The following ALLC variants were observed in gnomAD, a reference collection of about 807,000 sequenced individuals.
The protein encoded by ALLC is allantoicase.
In ALLC, 40 loss-of-function variants were observed where a neutral mutation model predicts 45.0. The observed-to-expected ratio is 0.89, with a 90% confidence interval of 0.69 to 1.16. The LOEUF (loss-of-function observed/expected upper bound fraction) is 1.16, where lower values mean the gene tolerates loss of function less well. Ranked by LOEUF, ALLC falls within the 50% of genes most tolerant of loss-of-function variation. The pLI, the probability that ALLC is intolerant of heterozygous loss-of-function variation, is 0.00. For synonymous variants in ALLC, 176 were observed against 178.1 expected, an observed-to-expected ratio of 0.99 and a Z score of 0.09; for missense variants, 488 against 493.1, an observed-to-expected ratio of 0.99 and a Z score of 0.10.
chr2:3,698,974 A>G (rs1440293252), intron 10 of ALLC, among the ~76,000 whole-genome samples: 1 of 152,204 alleles, frequency 6.6e-6, no homozygotes. Flanking sequence ...AATTATTTCA[A>G]GAAGTCTTGG....
the ALLC span, among the ~76,000 whole-genome samples, chr2:3,652,373 A>G: frequency 6.6e-6 from 1 of 152,260 alleles, no homozygotes; most frequent in Non-Finnish European, 1.5e-5. Flanking sequence ...GCACAAATCC[A>G]GAGCCACTAT....
chr2:3,651,679 T>C, the ALLC span, among the ~76,000 whole-genome samples: 1 of 151,900 alleles, frequency 6.6e-6, no homozygotes, highest in Non-Finnish European at 1.5e-5. Flanking sequence ...AGACGAACTC[T>C]GGATGGAGGC....
At position 3,678,782 on chromosome 2, in the gene ALLC, C is replaced by A. The variant is rs111778437; in HGVS notation, c.172+227C>A. 1.3e-5 allele frequency among the ~76,000 whole-genome samples: 2 copies of A among 152,250 alleles called. 1 individual carries two copies. Among genetic ancestry groups the A allele is most frequent in the Non-Finnish European group, 2.9e-5 (2 of 68,024 alleles). On this transcript the variant is annotated intron_variant, in intron 4 of 11. Coordinates refer to ENST00000252505, the MANE Select transcript of ALLC (RefSeq NM_018436.4). ...GCACAAAGGGTGAGAAGCACGTTGT[C>A]GGGAAAATGAAAACCCTGGTGAGGT...
At chr2:3,673,288 A>G (rs1270186892) in intron 2 of ALLC, among the ~76,000 whole-genome samples, 1 of 152,198 alleles carries the variant, frequency 6.6e-6, no homozygotes, top group Non-Finnish European at 1.5e-5. Context: ...TGCCCTGTGA[A>G]GCCTTCTGCT....
chr2:3,656,456 C>T (rs1287825926), upstream of ALLC, among the ~76,000 whole-genome samples: 2 of 152,224 alleles, frequency 1.3e-5, no homozygotes, highest in Non-Finnish European at 2.9e-5. Context: ...GTCGCCTCTG[C>T]CGCATGTGGC....
intron 1 of ALLC, among the ~76,000 whole-genome samples, chr2:3,661,416 G>A (rs866593617): frequency 6.6e-6 from 1 of 152,200 alleles, no homozygotes; most frequent in African/African-American, 2.4e-5. Context: ...GGCCTGTGGG[G>A]GCTGCTGCCT....
At chr2:3,651,235 G>A in the ALLC span, among the ~76,000 whole-genome samples, 1 of 150,734 alleles carries the variant, frequency 6.6e-6, no homozygotes, top group Non-Finnish European at 1.5e-5. Flanking sequence ...CCACACAGGC[G>A]CGGGGAGGTT....
chr2:3,702,450 G>C lies in ALLC; in HGVS notation c.1063G>C (p.Asp355His). The change falls in exon 12 of 12, where the codon GAC becomes CAC. Residue 355 changes from aspartate (D) to histidine (H), a missense_variant. By Grantham distance (81) the Asp-to-His change is moderately conservative. Coordinates refer to ENST00000252505, the MANE Select transcript of ALLC (RefSeq NM_018436.4). ...ITHARLTIVPDGGVSRLRLRG... is the reference protein window; with the variant it reads ...ITHARLTIVPHGGVSRLRLRG... ...TCACGCCAGGCTCACCATCGTCCCC[G>C]ACGGGGGAGTGAGCCGCCTTCGGCT... 6.2e-7 allele frequency: 1 copy of C among 1,612,780 alleles called. No homozygotes were observed. Among genetic ancestry groups the C allele is most frequent in the Non-Finnish European group, 8.5e-7 (1 of 1,179,732 alleles).
At chr2:3,648,773 C>T in the ALLC span, among the ~76,000 whole-genome samples, 5 of 152,158 alleles carry the variant, frequency 3.3e-5, no homozygotes, top group Non-Finnish European at 5.9e-5. Flanking sequence ...CTTCCACCAG[C>T]GCATCACACG....
intron 3 of ALLC, among the ~76,000 whole-genome samples, chr2:3,675,445 A>G (rs547062872): frequency 6.6e-6 from 1 of 151,882 alleles, no homozygotes; most frequent in East Asian, 1.9e-4. Context: ...AGATCCATGT[A>G]TATTTTATGA....
intron 2 of ALLC, 103 bp downstream of exon 2, chr2:3,671,293 C>CCAACACTTCAGCCTGAT: frequency 7.2e-7 from 1 of 1,384,108 alleles, no homozygotes; most frequent in Non-Finnish European, 1.0e-6. Flanking sequence ...AAGAATCAGG[C>CCAACACTTCAGCCTGAT]TGAAGTGTTG....
chr2:3,666,811 C>T (rs1432652865), intron 1 of ALLC, among the ~76,000 whole-genome samples: 2 of 152,146 alleles, frequency 1.3e-5, no homozygotes, highest in African/African-American at 4.8e-5. Context: ...GTGAGCTCTG[C>T]GTCGTAATCT....
At chr2:3,656,998 G>C (rs902759831), upstream of ALLC, among the ~76,000 whole-genome samples, 4 of 152,224 alleles carry the variant, frequency 2.6e-5, no homozygotes, top group African/African-American at 9.6e-5. Context: ...CACTGCTGTG[G>C]CGGGGAAGTC....
In ALLC at chr2:3,701,421, G is replaced by T; in HGVS notation, c.851-91G>T. On this transcript the variant is annotated intron_variant, in intron 10 of 11. Coordinates refer to ENST00000252505, the MANE Select transcript of ALLC (RefSeq NM_018436.4). Reference sequence around the variant, plus strand: ...AGAGCAGGGACTTGTTTTTTGCTGGGTTTTTGATCTTATTAAAAAAGCATG... The same window carrying T: ...AGAGCAGGGACTTGTTTTTTGCTGGTTTTTTGATCTTATTAAAAAAGCATG... 7.1e-6 allele frequency: 10 copies of T among 1,412,742 alleles called. No homozygotes were observed. The Admixed American group carries it at 1.0e-4, about 14-fold the overall frequency. The allele number at this position is 1,412,742 out of a possible 1,614,324, so 87.5% of individuals were successfully genotyped here. A position where few individuals can be genotyped will look rare whatever the true frequency, so the allele number is the denominator to read the frequency against.
At chr2:3,671,903 C>G in intron 2 of ALLC, among the ~76,000 whole-genome samples, 1 of 131,270 alleles carries the variant, frequency 7.6e-6, no homozygotes, top group East Asian at 2.1e-4. Context: ...GGTCCTCTGG[C>G]TCTGGTTAGA....
At chr2:3,679,463 T>A (rs1667113218) in intron 4 of ALLC, among the ~76,000 whole-genome samples, 2 of 152,182 alleles carry the variant, frequency 1.3e-5, no homozygotes, top group Admixed American at 1.3e-4. Context: ...CTTGGTGAGG[T>A]GCTTTCTACA....
upstream of ALLC, among the ~76,000 whole-genome samples, chr2:3,653,678 A>G (rs1337293672): frequency 2.0e-5 from 3 of 152,010 alleles, no homozygotes; most frequent in African/African-American, 7.3e-5. This position sits in a 1 kb window ranked among gnomAD's most constrained non-coding sequence, Gnocchi z 4.1. Context: ...CCACACCGAG[A>G]TGCTCTGCTC....
intron 7 of ALLC, chr2:3,688,977 A>G (rs1171769709): frequency 1.0e-4 from 16 of 158,516 alleles, no homozygotes; most frequent in Admixed American, 1.0e-3. Context: ...TCTGGCCTTC[A>G]TTTTCACCTT....
At chr2:3,655,530 A>G (rs1311242246), upstream of ALLC, among the ~76,000 whole-genome samples, 1 of 152,196 alleles carries the variant, frequency 6.6e-6, no homozygotes, top group Non-Finnish European at 1.5e-5. Flanking sequence ...ATCACAGCTC[A>G]TTGTAGCCTT....
Sources: gnomAD v4.1 joint callset for allele counts (sites outside exome capture counted in the v4.1 genomes callset) on GRCh38, gnomAD v4.1.1 for gene constraint, Gnocchi (gnomAD v3.1) non-coding constraint, MANE v1.5 for transcripts, NCBI Gene and HGNC (gene_info 2026-07-23, HGNC 2026-07-21) for gene names.